Variants in CDCP1 observed in about 807,000 individuals in gnomAD.
CDCP1 encodes the protein CUB domain-containing protein 1.
Under a neutral mutation model 60.2 loss-of-function variants are expected in CDCP1, and 29 were observed. The ratio of observed to expected loss-of-function variants is 0.48; its 90% confidence interval spans 0.36 to 0.66. The LOEUF is 0.66. CDCP1 is among the 30% of genes least tolerant of loss of function. The pLI is 0.00. For missense variants in CDCP1, 876 were observed against 1,074.3 expected, an observed-to-expected ratio of 0.82 and a Z score of 2.58; for synonymous variants, 387 against 431.1, an observed-to-expected ratio of 0.90 and a Z score of 1.27.
intron 4 of CDCP1, among the ~76,000 whole-genome samples, chr3:45,107,665 C>T (rs1026732150): frequency 3.9e-5 from 6 of 152,166 alleles, no homozygotes; most frequent in Admixed American, 1.3e-4. Flanking sequence ...TACAGATGAG[C>T]AACTGGGTCA....
At chr3:45,086,513 A>C (rs1698197624) in intron 8 of CDCP1, among the ~76,000 whole-genome samples, 1 of 152,178 alleles carries the variant, frequency 6.6e-6, no homozygotes, top group African/African-American at 2.4e-5. Flanking sequence ...CTCATGCTTT[A>C]TCTCTCTTTT....
At chr3:45,107,710 A>C (rs1576093006) in intron 4 of CDCP1, among the ~76,000 whole-genome samples, 1 of 152,338 alleles carries the variant, frequency 6.6e-6, no homozygotes, top group East Asian at 1.9e-4. Context: ...TGGTCAAAGT[A>C]AGTGGGGGAA....
At chr3:45,138,593 G>C (rs1230970766) in intron 1 of CDCP1, among the ~76,000 whole-genome samples, 1 of 152,154 alleles carries the variant, frequency 6.6e-6, no homozygotes, top group Admixed American at 6.5e-5. Flanking sequence ...CTTTAATCCC[G>C]GCACTTTGGG....
rs751326215 is a variant in CDCP1 at position 45,118,591 on chromosome 3, C to T, written c.113G>A (p.Ser38Asn). ...CAGCTTTATGAGAACTGTAATGTTG[C>T]TTTCTCGTGGCAGAGCAATCTCAAA... is the stretch of plus-strand genomic sequence containing the variant. ...EAFEIALPRESNITVLIKLGT... is the reference protein window; with the variant it reads ...EAFEIALPRENNITVLIKLGT... Residue 38 changes from serine (S) to asparagine (N), a missense_variant, in exon 2 of 9, where the codon AGC (serine) becomes AAC (asparagine). Coordinates refer to ENST00000296129, the MANE Select transcript of CDCP1 (RefSeq NM_022842.5). 2 of 1,614,004 alleles carry T rather than the reference C, an allele frequency of 1.2e-6. No individual in the cohort carries two copies. The highest frequency in any genetic ancestry group is 1.7e-6 in the Non-Finnish European group (2 of 1,180,004).
intron 1 of CDCP1, among the ~76,000 whole-genome samples, chr3:45,130,078 C>A (rs1247082993): frequency 6.6e-6 from 1 of 151,984 alleles, no homozygotes; most frequent in Non-Finnish European, 1.5e-5. Flanking sequence ...TAAAAATTAT[C>A]CAGCTATACG....
rs756420133 is a variant in CDCP1, at chr3:45,085,870, T to C, written c.2279A>G (p.Asp760Gly). Residue 760 changes from aspartate to glycine, a missense_variant, in exon 9 of 9, where the codon GAC becomes GGC. Physicochemically the swap from Asp to Gly is moderately conservative, Grantham distance 94 (BLOSUM62 -1). Around this residue, in one of 2 missense-constraint regions of CDCP1, gnomAD observed 726 missense variants for 935.7 expected, o/e 0.78. Transcript: ENST00000296129. This position sits in a 1 kb window ranked among gnomAD's most constrained non-coding sequence, Gnocchi z 4.2. ...SSGSFLQPEV[D>G]TYRPFQGTMG... ...GGTGCCCTGGAACGGCCGGTAGGTG[T>C]CCACCTCTGGCTGCAGGAAGGAGCC... 2.4e-5 allele frequency: 39 copies of C among 1,614,010 alleles called. No homozygotes were observed.
At chr3:45,114,037 C>A (rs1194722967) in intron 2 of CDCP1, among the ~76,000 whole-genome samples, 1 of 152,174 alleles carries the variant, frequency 6.6e-6, no homozygotes, top group Non-Finnish European at 1.5e-5. Flanking sequence ...GTTCTACCTA[C>A]AACTCACCTG....
At chr3:45,094,614 T>C (rs914206571) in intron 5 of CDCP1, among the ~76,000 whole-genome samples, 6 of 150,498 alleles carry the variant, frequency 4.0e-5, no homozygotes, top group African/African-American at 1.5e-4. Context: ...AGGGGCTAAC[T>C]GGATGAAAAA....
intron 4 of CDCP1, among the ~76,000 whole-genome samples, chr3:45,098,703 C>T (rs1698442896): frequency 6.6e-6 from 1 of 152,034 alleles, no homozygotes; most frequent in Admixed American, 6.6e-5. Context: ...ATATTTTCAG[C>T]TAGATCTTCA....
chr3:45,138,323 G>A (rs373416171), intron 1 of CDCP1, among the ~76,000 whole-genome samples: 8 of 152,096 alleles, frequency 5.3e-5, no homozygotes, highest in Admixed American at 5.2e-4. Flanking sequence ...GACTGCACTG[G>A]GACAGTAACC....
chr3:45,120,999 G>T (rs4682768), intron 1 of CDCP1, among the ~76,000 whole-genome samples: 3 of 152,040 alleles, frequency 2.0e-5, no homozygotes, highest in Non-Finnish European at 2.9e-5. Flanking sequence ...GTATTTTTTA[G>T]TGGTAGCCCC....
intron 8 of CDCP1, among the ~76,000 whole-genome samples, chr3:45,088,418 G>A (rs150157682): frequency 2.2e-4 from 33 of 152,188 alleles, no homozygotes; most frequent in Middle Eastern, 3.4e-3. Context: ...CCCAGGAGGC[G>A]GAGGCTGCAG....
At chr3:45,133,491 G>A in intron 1 of CDCP1, among the ~76,000 whole-genome samples, 3 of 5,382 alleles carry the variant, frequency 5.6e-4, no homozygotes, top group Non-Finnish European at 3.4e-3. Context: ...GGCCGAGGCG[G>A]GCGGATCACG....
At chr3:45,097,407 C>T (rs982946638) in intron 4 of CDCP1, among the ~76,000 whole-genome samples, 4 of 151,700 alleles carry the variant, frequency 2.6e-5, no homozygotes, top group South Asian at 2.1e-4. Flanking sequence ...ATAAAAGACT[C>T]ATTTCACTTT....
intron 1 of CDCP1, chr3:45,139,365 G>A (rs963166871): frequency 2.6e-5 from 4 of 152,358 alleles, no homozygotes; most frequent in Middle Eastern, 3.4e-3. Flanking sequence ...GTTAATAAGT[G>A]GTGGAGTCAG....
Position 45,146,245 on chromosome 3 carries a change from C to T in CDCP1, c.43G>A (p.Val15Ile). ...AGGCGCGCCGCACCCAGCAGCAGAA[C>T]CCCTAGCAGTGCGATAGAGACCCCG... The part of the protein sequence containing the change: ...NCGVSIALLG[V>I]LLLGAARLPR... The change falls in exon 1 of 9, where the codon GTT becomes ATT. Residue 15 changes from valine (V) to isoleucine (I), a missense_variant. Val to Ile is a conservative substitution (Grantham distance 29). Coordinates refer to ENST00000296129, the MANE Select transcript of CDCP1 (RefSeq NM_022842.5). 6.3e-7 allele frequency: 1 copy of T among 1,598,152 alleles called. No homozygotes were observed. Among genetic ancestry groups the T allele is most frequent in the Non-Finnish European group, 8.5e-7 (1 of 1,174,382 alleles).
rs1325756945 is a variant in CDCP1, at chr3:45,085,029, A to T, written c.*609T>A. Reference sequence around the variant, plus strand: ...CACACATTCTTTTCTGGTTGGACAGATTGTAAATTATTCCCACCACCTGGG... The same window carrying T: ...CACACATTCTTTTCTGGTTGGACAGTTTGTAAATTATTCCCACCACCTGGG... On this transcript the variant is annotated 3_prime_UTR_variant, in exon 9 of 9. Transcript: ENST00000296129. The surrounding 1 kb of genome is among the most constrained non-coding windows in gnomAD (Gnocchi z 4.2). The T allele has an allele frequency of 6.6e-6, 1 of 152,600 alleles. No individual in the cohort carries two copies. Among genetic ancestry groups the T allele is most frequent in the African/African-American group, 2.4e-5 (1 of 41,456 alleles). 9.5% of individuals were successfully genotyped at this position (152,600 alleles called of 1,614,324 possible).
chr3:45,092,275 C>T (rs1322986470), intron 6 of CDCP1, among the ~76,000 whole-genome samples: 1 of 152,200 alleles, frequency 6.6e-6, no homozygotes, highest in Non-Finnish European at 1.5e-5. Context: ...TTCAGAAATG[C>T]TCTCAACGTA....
In CDCP1 at chr3:45,093,302, C is replaced by T. The variant is rs1014898410; in HGVS notation, c.1602G>A (p.Thr534=). 25 of 1,614,140 alleles carry T rather than the reference C, an allele frequency of 1.5e-5. No individual in the cohort carries two copies. Among genetic ancestry groups the T allele is most frequent in the Admixed American group, 5.0e-5 (3 of 60,032 alleles). The part of the protein sequence containing the change: ...FQQEASRQGL[T]VSFIPYFKEE... Reference sequence around the variant, plus strand: ...CTTTGAAATAAGGTATAAAGGACACCGTCAGACCCTGCCTGGAGGCCTCTT... The same window carrying T: ...CTTTGAAATAAGGTATAAAGGACACTGTCAGACCCTGCCTGGAGGCCTCTT... The change falls in exon 6 of 9, where the codon ACG becomes ACA. Residue 534 remains threonine (T), a synonymous_variant. Transcript: ENST00000296129.
Sources: allele counts gnomAD v4.1 joint callset (sites outside exome capture counted in the v4.1 genomes callset), GRCh38; gene constraint gnomAD v4.1.1; regional missense constraint gnomAD v4.1.1; non-coding constraint Gnocchi (gnomAD v3.1); transcripts MANE v1.5; gene names NCBI Gene and HGNC (gene_info 2026-07-23, HGNC 2026-07-21).